The following RBPJ variants were observed in gnomAD, a reference collection of about 807,000 sequenced individuals.
The protein encoded by RBPJ is recombining binding protein suppressor of hairless.
A neutral mutation model predicts 67.8 loss-of-function variants in RBPJ; 9 were observed. That is an observed-to-expected ratio of 0.13 (90% CI 0.08 to 0.23). The LOEUF is 0.23. Ranked by LOEUF, RBPJ falls within the 10% of genes least tolerant of loss-of-function variation. RBPJ has a pLI of 1.00. For synonymous variants in RBPJ, 198 were observed against 203.3 expected (o/e 0.97, Z 0.22); for missense variants, 305 against 595.6 (o/e 0.51, Z 5.08).
intron 1 of RBPJ, among the ~76,000 whole-genome samples, chr4:26,251,128 A>G (rs1165971784): frequency 6.6e-6 from 1 of 152,202 alleles, no homozygotes; most frequent in Admixed American, 6.5e-5. Context: ...CTTCTAACCA[A>G]ATATTACCAA....
chr4:26,338,156 C>CTTTTTTTT (rs773976269), intron 1 of RBPJ, among the ~76,000 whole-genome samples: 3 of 89,004 alleles, frequency 3.4e-5, no homozygotes, highest in Non-Finnish European at 4.5e-5. Context: ...ATTTTTCTTT[C>CTTTTTTTT]TTTTTTTTTT....
At chr4:26,342,288 A>G (rs1487435272) in intron 1 of RBPJ, among the ~76,000 whole-genome samples, 2 of 143,966 alleles carry the variant, frequency 1.4e-5, no homozygotes, top group African/African-American at 4.9e-5. Context: ...AAAAAAGGGA[A>G]TGTGGTGTTT....
chr4:26,323,042 A>T (rs1267042890), intron 1 of RBPJ: 2 of 151,278 alleles, frequency 1.3e-5, no homozygotes, highest in African/African-American at 4.9e-5. Context: ...GACATACGAG[A>T]TCTACTCTAA....
At chr4:26,384,999 C>T (rs1196792073) in intron 1 of RBPJ, among the ~76,000 whole-genome samples, 3 of 103,936 alleles carry the variant, frequency 2.9e-5, no homozygotes, top group African/African-American at 7.5e-5. Flanking sequence ...CTCCCCTCTC[C>T]TCCCCTCCCC....
At chr4:26,183,732 G>C (rs777454691) in intron 1 of RBPJ, among the ~76,000 whole-genome samples, 1 of 152,172 alleles carries the variant, frequency 6.6e-6, no homozygotes, top group Non-Finnish European at 1.5e-5. Flanking sequence ...AAATGTAGCC[G>C]GGCGTGGTCG....
chr4:26,420,528 A>C (rs934010787), intron 4 of RBPJ, 23 bp from the exon 5 acceptor site: 1 of 1,558,104 alleles, frequency 6.4e-7, no homozygotes, highest in Non-Finnish European at 8.7e-7. Flanking sequence ...TGCTGCTGTT[A>C]AAACTTTACT....
upstream of RBPJ, among the ~76,000 whole-genome samples, chr4:26,315,179 T>C (rs1291234294): frequency 9.1e-6 from 1 of 109,586 alleles, no homozygotes; most frequent in Admixed American, 9.3e-5. Flanking sequence ...TATATATATA[T>C]ATATATATAT....
intron 1 of RBPJ, among the ~76,000 whole-genome samples, chr4:26,254,745 T>C (rs1175178624): frequency 6.9e-6 from 1 of 145,372 alleles, no homozygotes; most frequent in African/African-American, 2.8e-5. Flanking sequence ...TGGTGCAATC[T>C]CGGCTCACTG....
At chr4:26,111,421 C>T in the RBPJ span, among the ~76,000 whole-genome samples, 5 of 152,254 alleles carry the variant, frequency 3.3e-5, no homozygotes, top group Non-Finnish European at 5.9e-5. Context: ...TCTTACTCTT[C>T]ACTGGACTCC....
At chr4:26,277,163 C>T (rs1454693443) in intron 1 of RBPJ, among the ~76,000 whole-genome samples, 2 of 150,042 alleles carry the variant, frequency 1.3e-5, no homozygotes, top group Non-Finnish European at 1.5e-5. Context: ...GGTATGAAGA[C>T]TTAGAAGGCT....
At position 26,266,542 on chromosome 4, in the gene RBPJ, G is replaced by T. The variant is rs199775246; in HGVS notation, c.-166-95904G>T. On this transcript the variant is annotated intron_variant, in intron 1 of 4. Coordinates refer to the RBPJ transcript ENST00000512351. ...GTGGCCTTTTGTCTTATAAGATAAG[G>T]ATGTTCTTTCCACTGGGTATAGGGA... is the stretch of plus-strand genomic sequence containing the variant. Among the ~76,000 whole-genome samples the T allele has an allele frequency of 3.9e-5, 6 of 152,262 alleles. No homozygotes were observed. In the East Asian group the frequency reaches 1.2e-3, roughly 29 times the overall value.
chr4:26,243,446 G>A (rs1577509234), intron 1 of RBPJ, among the ~76,000 whole-genome samples: 1 of 152,204 alleles, frequency 6.6e-6, no homozygotes, highest in East Asian at 1.9e-4. Flanking sequence ...ACTATGGTGA[G>A]TTTGACACTT....
intron 1 of RBPJ, among the ~76,000 whole-genome samples, chr4:26,298,989 A>G (rs986555447): frequency 1.3e-5 from 2 of 152,218 alleles, no homozygotes; most frequent in Admixed American, 1.3e-4. Context: ...GAGAAAGCTG[A>G]ATTCGTACCT....
chr4:26,259,956 T>A (rs1397690384), intron 1 of RBPJ, among the ~76,000 whole-genome samples: 2 of 152,242 alleles, frequency 1.3e-5, no homozygotes, highest in African/African-American at 4.8e-5. Flanking sequence ...ATAAGTTTGA[T>A]CTTTATTCTT....
chr4:26,212,689 G>T (rs2109174305), intron 1 of RBPJ, among the ~76,000 whole-genome samples: 1 of 152,118 alleles, frequency 6.6e-6, no homozygotes, highest in South Asian at 2.1e-4. Context: ...TTCAGAAGGG[G>T]TCTTGCCCCA....
chr4:26,122,665 G>A, the RBPJ span, among the ~76,000 whole-genome samples: 1 of 152,086 alleles, frequency 6.6e-6, no homozygotes, highest in East Asian at 1.9e-4. Context: ...CATAAGGAAG[G>A]AGTAACATAT....
At chr4:26,324,717 TGG>T (rs1723441847) in intron 1 of RBPJ, among the ~76,000 whole-genome samples, 2 of 152,004 alleles carry the variant, frequency 1.3e-5, no homozygotes, top group Non-Finnish European at 2.9e-5. Context: ...TTAGTAGACA[TGG>T]GGTTTCGCCA....
chr4:26,147,582 C>A, the RBPJ span, among the ~76,000 whole-genome samples: 2 of 152,304 alleles, frequency 1.3e-5, no homozygotes, highest in South Asian at 4.1e-4. Context: ...GAGAGTGAAA[C>A]TCCCAAAGGA....
intron 3 of RBPJ, among the ~76,000 whole-genome samples, chr4:26,411,544 C>T (rs1174866122): frequency 1.4e-5 from 2 of 147,560 alleles, no homozygotes; most frequent in Non-Finnish European, 3.0e-5. Context: ...TTTGCTACTT[C>T]CATCATGGCT....
Sources: gnomAD v4.1 joint callset for allele counts (sites outside exome capture counted in the v4.1 genomes callset) on GRCh38, gnomAD v4.1.1 for gene constraint, MANE v1.5 for transcripts, NCBI Gene and HGNC (gene_info 2026-07-23, HGNC 2026-07-21) for gene names.